POGZ: variants seen among roughly 807,000 people sequenced by gnomAD.
POGZ encodes the protein pogo transposable element derived with ZNF domain.
A neutral mutation model predicts 134.6 loss-of-function variants in POGZ; 17 were observed. That is an observed-to-expected ratio of 0.13 (90% CI 0.09 to 0.19). POGZ has a LOEUF of 0.19. Ranked by LOEUF, POGZ falls within the 10% of genes least tolerant of loss-of-function variation. POGZ has a pLI of 1.00. For missense variants in POGZ, 1,306 were observed against 1,769.7 expected, an observed-to-expected ratio of 0.74 and a Z score of 4.70; for synonymous variants, 693 against 657.1, an observed-to-expected ratio of 1.05 and a Z score of -0.84.
chr1:151,432,812 A>C (rs1658915117), intron 3 of POGZ, among the ~76,000 whole-genome samples: 1 of 152,212 alleles, frequency 6.6e-6, no homozygotes, highest in African/African-American at 2.4e-5. Flanking sequence ...ATAACTCCTG[A>C]ACATTATAAT....
At position 151,423,350 on chromosome 1, in the gene POGZ, GA is replaced by G. The variant is rs777849694; in HGVS notation, c.1678+46del. On this transcript the variant is annotated intron_variant, in intron 10 of 18. Transcript: ENST00000271715. The stretch of plus-strand genomic sequence containing the variant: ...CTCCCCCCAGCGCCATTCAATGAGT[GA>G]ACAGCAAGGTATATTCCCCTTGAGT... 3.9e-6 allele frequency: 6 copies of G among 1,529,590 alleles called. No individual in the cohort carries two copies. In the African/African-American group the frequency reaches 8.2e-5, roughly 21 times the overall value. The allele number at this position is 1,529,590 out of a possible 1,614,324, so 94.8% of individuals were successfully genotyped here.
Position 151,404,363 on chromosome 1 carries a change from G to T in POGZ, c.*439C>A, listed in dbSNP as rs982407073. 2.0e-6 allele frequency: 2 copies of T among 985,342 alleles called. No individual in the cohort carries two copies. Among genetic ancestry groups the T allele is most frequent in the Non-Finnish European group, 2.4e-6 (2 of 828,860 alleles). The allele number at this position is 985,342 out of a possible 1,614,324, so 61.0% of individuals were successfully genotyped here. The stretch of plus-strand genomic sequence containing the variant: ...TTCTCACATTAACAATGATTAGATA[G>T]CATCATGCCCAAAGACATTGGCCAC... On this transcript the variant is annotated 3_prime_UTR_variant, in exon 19 of 19. Coordinates refer to ENST00000271715, the MANE Select transcript of POGZ (RefSeq NM_015100.4).
rs1014654432 is a variant in POGZ at position 151,430,735 on chromosome 1, C to T, written c.390G>A (p.Gln130=). 5 of 1,609,042 alleles carry T rather than the reference C, an allele frequency of 3.1e-6. No homozygotes were observed. Among genetic ancestry groups the T allele is most frequent in the Non-Finnish European group, 3.4e-6 (4 of 1,177,884 alleles). The part of the protein sequence containing the change: ...MVTQPVLRPV[Q]VMQNANHVTS... The stretch of plus-strand genomic sequence containing the variant: ...TCACATGATTGGCATTCTGCATGAC[C>T]TGAACAGGCCTCAATACTGGTTGAG... Residue 130 remains glutamine, a synonymous_variant, in exon 4 of 19, where the codon CAG becomes CAA. Coordinates refer to ENST00000271715, the MANE Select transcript of POGZ (RefSeq NM_015100.4).
intron 1 of POGZ, among the ~76,000 whole-genome samples, chr1:151,456,149 C>CT (rs1352676977): frequency 5.3e-5 from 8 of 152,250 alleles, no homozygotes; most frequent in Non-Finnish European, 8.8e-5. Flanking sequence ...TTCAAAGGAT[C>CT]TTTTGCCTTT....
intron 1 of POGZ, among the ~76,000 whole-genome samples, chr1:151,448,019 C>T (rs1228501128): frequency 3.9e-5 from 6 of 152,058 alleles, no homozygotes; most frequent in African/African-American, 1.4e-4. Context: ...GAATGAGTTT[C>T]CAAGACCACA....
At chr1:151,456,294 A>G (rs1038914999) in intron 1 of POGZ, among the ~76,000 whole-genome samples, 4 of 152,204 alleles carry the variant, frequency 2.6e-5, no homozygotes, top group Non-Finnish European at 5.9e-5. Flanking sequence ...TATCATAAGG[A>G]AAGTCTTTTA....
intron 1 of POGZ, chr1:151,442,500 G>C: frequency 4.8e-6 from 1 of 207,330 alleles, no homozygotes; most frequent in Non-Finnish European, 9.6e-6. Context: ...ACCTGAGGTT[G>C]GGAGTTAGAG....
At chr1:151,440,431 TA>T (rs895449253) in intron 3 of POGZ, among the ~76,000 whole-genome samples, 26 of 151,802 alleles carry the variant, frequency 1.7e-4, no homozygotes, top group Admixed American at 5.3e-4. Context: ...GCCTTTCTAT[TA>T]AAAAAAATAA....
intron 10 of POGZ, among the ~76,000 whole-genome samples, chr1:151,422,001 A>C (rs1657001166): frequency 6.6e-6 from 1 of 152,128 alleles, no homozygotes; most frequent in African/African-American, 2.4e-5. Context: ...CACCCACCTA[A>C]GCCTCCCAAA....
chr1:151,456,996 T>C (rs1215244031), intron 1 of POGZ, among the ~76,000 whole-genome samples: 1 of 152,252 alleles, frequency 6.6e-6, no homozygotes, highest in Non-Finnish European at 1.5e-5. Flanking sequence ...GCCTTGCTTT[T>C]GAACCATCAG....
In POGZ at chr1:151,446,548, G is replaced by A. The variant is rs13374716; in HGVS notation, c.-1-4343C>T. 5.2e-3 allele frequency among the ~76,000 whole-genome samples: 788 copies of A among 152,158 alleles called. 15 individuals carry two copies. Among genetic ancestry groups the A allele is most frequent in the African/African-American group, 0.018 (759 of 41,520 alleles). On this transcript the variant is annotated intron_variant, in intron 1 of 18. Coordinates refer to ENST00000271715, the MANE Select transcript of POGZ (RefSeq NM_015100.4). ...AGGCGGGGGGATCACCTGAGGTTGA[G>A]AGTTCGAGACTAGCCTGGCTAACAT...
intron 11 of POGZ, 23 bp from the exon 12 acceptor site, chr1:151,411,794 T>C (rs1362725088): frequency 6.3e-7 from 1 of 1,592,262 alleles, no homozygotes; most frequent in African/African-American, 1.4e-5. Context: ...GGAGGGAAAA[T>C]AAGGCTAAGA....
At chr1:151,417,057 TTC>T (rs1461775212) in intron 10 of POGZ, among the ~76,000 whole-genome samples, 1 of 152,114 alleles carries the variant, frequency 6.6e-6, no homozygotes, top group Non-Finnish European at 1.5e-5. Context: ...TTCTGATTAA[TTC>T]TGTTAGATCT....
intron 10 of POGZ, among the ~76,000 whole-genome samples, chr1:151,414,475 G>A (rs539770450): frequency 3.9e-5 from 6 of 152,268 alleles, no homozygotes; most frequent in African/African-American, 1.4e-4. Context: ...TAATGTACAA[G>A]CATCAGGTTA....
At position 151,429,588 on chromosome 1, in the gene POGZ, G is replaced by C. The variant is rs925012195; in HGVS notation, c.568+15C>G. On this transcript the variant is annotated intron_variant, in intron 5 of 18. Coordinates refer to ENST00000271715, the MANE Select transcript of POGZ (RefSeq NM_015100.4). ...GATGCCAGTTTATTCCAAATGGATA[G>C]ACATTTTTCCTTACCTGGAACTAGT... 7.4e-7 allele frequency: 1 copy of C among 1,353,454 alleles called. No homozygotes were observed. The highest frequency in any genetic ancestry group is 1.4e-5 in the African/African-American group (1 of 69,660). 83.8% of individuals were successfully genotyped at this position (1,353,454 alleles called of 1,614,324 possible). A position where few individuals can be genotyped will look rare whatever the true frequency, so the allele number is the denominator to read the frequency against.
At chr1:151,451,805 G>A (rs1662121569) in intron 1 of POGZ, among the ~76,000 whole-genome samples, 1 of 151,572 alleles carries the variant, frequency 6.6e-6, no homozygotes, top group Non-Finnish European at 1.5e-5. Context: ...CTTTAAAAAT[G>A]TCAATGTTCG....
At chr1:151,406,492 G>T (rs769602477) in intron 18 of POGZ, 28 bp from the exon 19 acceptor site, 1 of 1,553,612 alleles carries the variant, frequency 6.4e-7, no homozygotes, top group African/African-American at 1.4e-5. Context: ...AAAGAGAAGA[G>T]GAGAAATCTC....
intron 7 of POGZ, 47 bp downstream of exon 7, chr1:151,427,776 A>C (rs1658014163): frequency 1.7e-6 from 2 of 1,190,856 alleles, no homozygotes; most frequent in Non-Finnish European, 2.5e-6. Flanking sequence ...ACACTTTATT[A>C]ATGTTTTTGA....
chr1:151,416,519 A>G (rs1361122897), intron 10 of POGZ, among the ~76,000 whole-genome samples: 1 of 152,202 alleles, frequency 6.6e-6, no homozygotes, highest in Non-Finnish European at 1.5e-5. Context: ...ACTAAGAATC[A>G]GCATTAGACA....
Sources: allele counts gnomAD v4.1 joint callset (sites outside exome capture counted in the v4.1 genomes callset), GRCh38; gene constraint gnomAD v4.1.1; transcripts MANE v1.5; gene names NCBI Gene and HGNC (gene_info 2026-07-23, HGNC 2026-07-21).